The following MALRD1 variants were observed in gnomAD, a reference collection of about 807,000 sequenced individuals.
MALRD1 encodes the protein MAM and LDL-receptor class A domain-containing protein 1.
A neutral mutation model predicts 242.1 loss-of-function variants in MALRD1; 247 were observed. That is an observed-to-expected ratio of 1.02 (90% CI 0.92 to 1.13). MALRD1 has a LOEUF of 1.13. MALRD1 is among the 50% of genes most tolerant of loss of function. The pLI is 0.00. For synonymous variants in MALRD1, 995 were observed against 866.6 expected, an observed-to-expected ratio of 1.15 and a Z score of -2.60; for missense variants, 2,989 against 2,533.1, an observed-to-expected ratio of 1.18 and a Z score of -3.86.
chr10:19,235,901 G>T (rs1422799029), intron 18 of MALRD1, among the ~76,000 whole-genome samples: 3 of 152,070 alleles, frequency 2.0e-5, no homozygotes, highest in Non-Finnish European at 4.4e-5. Flanking sequence ...CATCGAAGTG[G>T]AAATAACAGT....
chr10:19,710,505 T>C (rs1460006896), intron 38 of MALRD1: 2 of 152,164 alleles, frequency 1.3e-5, no homozygotes, highest in Non-Finnish European at 2.9e-5. Flanking sequence ...CAGGAACACA[T>C]TTATTGAATA....
At position 19,149,840 on chromosome 10, in the gene MALRD1, A is replaced by G. The variant is rs77908723; in HGVS notation, c.1558+3496A>G. 6.2e-3 allele frequency among the ~76,000 whole-genome samples: 941 copies of G among 152,280 alleles called. 11 individuals are homozygous for G. The highest frequency in any genetic ancestry group is 0.022 in the African/African-American group (902 of 41,546). On this transcript the variant is annotated intron_variant, in intron 11 of 39. Transcript: ENST00000454679. Reference sequence around the variant, plus strand: ...ATTTTTCTGTGCCATTATGTACTCAATAATTCTCCCACCTCCCACCACTGA... The same window carrying G: ...ATTTTTCTGTGCCATTATGTACTCAGTAATTCTCCCACCTCCCACCACTGA...
intron 2 of MALRD1, among the ~76,000 whole-genome samples, chr10:19,076,373 A>G (rs1221750528): frequency 2.0e-5 from 3 of 151,890 alleles, no homozygotes; most frequent in Non-Finnish European, 2.9e-5. Flanking sequence ...TAGGTGTTAC[A>G]TTTAAGAAAC....
At chr10:19,454,141 A>C (rs188496542) in intron 29 of MALRD1, among the ~76,000 whole-genome samples, 5,741 of 149,298 alleles carry the variant, frequency 0.038, 130 homozygotes, top group Middle Eastern at 0.071. Flanking sequence ...TCCTCACACA[A>C]AACAGTCAGA....
At chr10:19,695,604 C>G (rs962873898) in intron 38 of MALRD1, among the ~76,000 whole-genome samples, 2 of 151,464 alleles carry the variant, frequency 1.3e-5, no homozygotes, top group Non-Finnish European at 2.9e-5. Context: ...ACTGCCACCT[C>G]CACCACCTGA....
chr10:19,482,881 C>T (rs2131184257), intron 29 of MALRD1, among the ~76,000 whole-genome samples: 2 of 152,096 alleles, frequency 1.3e-5, no homozygotes, highest in Non-Finnish European at 2.9e-5. Context: ...AATCAGTCAG[C>T]AGATTCAATG....
intron 9 of MALRD1, among the ~76,000 whole-genome samples, chr10:19,134,673 ACACTATTTAATTTT>A (rs2131408048): frequency 6.6e-6 from 1 of 152,348 alleles, no homozygotes; most frequent in South Asian, 2.1e-4. Flanking sequence ...TAACATTTTG[ACACTATTTAATTTT>A]CATAGGCTGA....
intron 21 of MALRD1, among the ~76,000 whole-genome samples, chr10:19,315,980 C>T (rs951937726): frequency 1.3e-5 from 2 of 150,174 alleles, no homozygotes; most frequent in East Asian, 3.9e-4. Flanking sequence ...TCCACATATA[C>T]CCATTTCATG....
chr10:19,597,175 G>T (rs1324704440), intron 34 of MALRD1, among the ~76,000 whole-genome samples: 1 of 152,096 alleles, frequency 6.6e-6, no homozygotes, highest in African/African-American at 2.4e-5. Context: ...TAGAAACAAG[G>T]TAAGCAAATG....
intron 32 of MALRD1, among the ~76,000 whole-genome samples, chr10:19,560,180 C>A (rs1835900634): frequency 6.6e-6 from 1 of 152,136 alleles, no homozygotes; most frequent in African/African-American, 2.4e-5. Flanking sequence ...TTTAAAGACA[C>A]ATGCATGGCC....
In MALRD1 at chr10:19,451,313, G is replaced by A. The variant is rs188273740; in HGVS notation, c.5029+823G>A. Reference sequence around the variant, plus strand: ...AAATTGAGCTGAGAGCTGTGCTTGGGAGATTTAAAGATGCTACTCCAGCCT... The same window carrying A: ...AAATTGAGCTGAGAGCTGTGCTTGGAAGATTTAAAGATGCTACTCCAGCCT... On this transcript the variant is annotated intron_variant, in intron 29 of 39. Transcript: ENST00000454679. Among the ~76,000 whole-genome samples, 457 of 152,080 alleles carry A rather than the reference G, an allele frequency of 3.0e-3. 4 individuals carry two copies. The highest frequency in any genetic ancestry group is 0.027 in the Admixed American group (407 of 15,274).
chr10:19,243,027 G>A, intron 18 of MALRD1, among the ~76,000 whole-genome samples: 1 of 148,796 alleles, frequency 6.7e-6, no homozygotes, highest in Non-Finnish European at 1.5e-5. Flanking sequence ...TTCTAGTTTG[G>A]TGGTTTTCTG....
At chr10:19,059,140 G>A (rs1247416746) in intron 1 of MALRD1, among the ~76,000 whole-genome samples, 1 of 152,072 alleles carries the variant, frequency 6.6e-6, no homozygotes, top group Non-Finnish European at 1.5e-5. Context: ...TGGATAATGT[G>A]GACATTTGTG....
intron 18 of MALRD1, among the ~76,000 whole-genome samples, chr10:19,228,155 G>A (rs1422495106): frequency 6.6e-6 from 1 of 151,616 alleles, no homozygotes; most frequent in Non-Finnish European, 1.5e-5. Context: ...GAAGTTCATA[G>A]CAGATGTGTC....
chr10:19,648,666 A>T (rs1282610627), intron 36 of MALRD1, among the ~76,000 whole-genome samples: 1 of 152,218 alleles, frequency 6.6e-6, no homozygotes, highest in African/African-American at 2.4e-5. Flanking sequence ...TAGTCAAAGA[A>T]AAAAGCAGCC....
chr10:19,288,709 C>T (rs772122401), intron 21 of MALRD1, among the ~76,000 whole-genome samples: 5 of 152,144 alleles, frequency 3.3e-5, no homozygotes, highest in Non-Finnish European at 4.4e-5. Flanking sequence ...CCTTCCTCCT[C>T]TCATTCTGAT....
At chr10:19,507,837 C>A (rs561898693) in intron 31 of MALRD1, among the ~76,000 whole-genome samples, 1 of 151,764 alleles carries the variant, frequency 6.6e-6, no homozygotes, top group South Asian at 2.1e-4. Flanking sequence ...GTGGGTGACA[C>A]AAAAGTAAAA....
At chr10:19,434,830 G>A (rs537303696) in intron 28 of MALRD1, among the ~76,000 whole-genome samples, 44 of 151,836 alleles carry the variant, frequency 2.9e-4, no homozygotes, top group African/African-American at 1.0e-3. Flanking sequence ...AGATTCAAAA[G>A]GATTCCTATA....
At chr10:19,333,448 G>C (rs1469901273) in intron 24 of MALRD1, among the ~76,000 whole-genome samples, 2 of 152,068 alleles carry the variant, frequency 1.3e-5, no homozygotes, top group Admixed American at 6.6e-5. Context: ...GCCTCCACCT[G>C]TGTCCATGTT....
Sources: gnomAD v4.1 joint callset for allele counts (sites outside exome capture counted in the v4.1 genomes callset) on GRCh38, gnomAD v4.1.1 for gene constraint, MANE v1.5 for transcripts, NCBI Gene and HGNC (gene_info 2026-07-23, HGNC 2026-07-21) for gene names.